RNF130: variants seen among roughly 807,000 people sequenced by gnomAD.
The protein encoded by RNF130 is E3 ubiquitin-protein ligase RNF130.
RNF130 carries 21 observed loss-of-function variants against 44.6 expected under a neutral mutation model. That is an observed-to-expected ratio of 0.47 (90% confidence interval 0.33 to 0.68). RNF130 has a LOEUF of 0.68. RNF130 is among the 30% of genes least tolerant of loss of function. The pLI is 0.02. For missense variants in RNF130, 479 were observed against 560.6 expected (o/e 0.85, Z 1.47); for synonymous variants, 214 against 210.4 (o/e 1.02, Z -0.15).
Position 180,010,104 on chromosome 5 carries a change from A to G in RNF130, c.693+2957T>C, listed in dbSNP as rs547401559. Among the ~76,000 whole-genome samples, 8 of 151,996 alleles carry G rather than the reference A, an allele frequency of 5.3e-5. No individual in the cohort carries two copies. The East Asian group carries it at 5.9e-4, about 11-fold the overall frequency. Reference sequence around the variant, plus strand: ...CTACTAAAAATACAAAAAATTAGCCAGGCACGGTGGCAGGCACCTGTAGTC... The same window carrying G: ...CTACTAAAAATACAAAAAATTAGCCGGGCACGGTGGCAGGCACCTGTAGTC... On this transcript the variant is annotated intron_variant, in intron 3 of 8. Transcript: ENST00000521389.
At position 179,966,896 on chromosome 5, in the gene RNF130, G is replaced by A; in HGVS notation, c.1060C>T (p.Leu354Phe). Reference sequence around the variant, plus strand: ...ATCCCCGAAGTTCGAAGTGGCTCAAGGCCAAGGGAGTTGTCGCCGGCGAGG... The same window carrying A: ...ATCCCCGAAGTTCGAAGTGGCTCAAAGCCAAGGGAGTTGTCGCCGGCGAGG... ...GDLAGDNSLG[L>F]EPLRTSGISP... The change falls in exon 7 of 9, where the codon CTT (leucine) becomes TTT (phenylalanine). Residue 354 changes from leucine to phenylalanine, a missense_variant. Leu to Phe is a conservative substitution (Grantham distance 22). Coordinates refer to ENST00000521389, the MANE Select transcript of RNF130 (RefSeq NM_018434.6). 1 of 1,614,236 alleles carries A rather than the reference G, an allele frequency of 6.2e-7. No individual in the cohort carries two copies. The highest frequency in any genetic ancestry group is 8.5e-7 in the Non-Finnish European group (1 of 1,180,044).
rs1017926417 is a variant in RNF130 at position 179,977,055 on chromosome 5, T to C, written c.848+1148A>G. 1.3e-5 allele frequency: 2 copies of C among 152,216 alleles called. No individual in the cohort carries two copies. Among genetic ancestry groups the C allele is most frequent in the African/African-American group, 4.8e-5 (2 of 41,458 alleles). 9.4% of individuals were successfully genotyped at this position (152,216 alleles called of 1,614,324 possible). On this transcript the variant is annotated intron_variant, in intron 5 of 8. Coordinates refer to ENST00000521389, the MANE Select transcript of RNF130 (RefSeq NM_018434.6). The surrounding 1 kb of genome is among the most constrained non-coding windows in gnomAD (Gnocchi z 4.1). ...CCTCATGGAGGAAGGCTTGGTCCCA[T>C]GTGGGGAGCACCACATTAAAGGCAG...
At chr5:180,038,409 TTG>T (rs1491121435) in intron 2 of RNF130, among the ~76,000 whole-genome samples, 100 of 100,628 alleles carry the variant, frequency 9.9e-4, no homozygotes, top group Middle Eastern at 0.012. Flanking sequence ...AAAGCCTGTT[TTG>T]TTTTTTTTTT....
At chr5:179,933,876 C>T (rs1053092032) in intron 7 of RNF130, 5 of 756,282 alleles carry the variant, frequency 6.6e-6, no homozygotes, top group Non-Finnish European at 1.1e-5. Context: ...ATGTTGCCAG[C>T]TGAGGTTGTT....
downstream of RNF130, among the ~76,000 whole-genome samples, chr5:179,954,436 C>A (rs557392453): frequency 6.6e-6 from 1 of 152,086 alleles, no homozygotes. Flanking sequence ...ATGTATGAAC[C>A]GTGAACACAT....
Position 180,015,490 on chromosome 5 carries a change from A to AG in RNF130, c.443-2180dup, listed in dbSNP as rs879125124. The stretch of plus-strand genomic sequence containing the variant: ...TAGGGAAAGGAGTAGGGAAAGGAGT[A>AG]GGAAAGGAGTAGGGAAAGGAGTAGG... On this transcript the variant is annotated intron_variant, in intron 2 of 8. Transcript: ENST00000521389. 34 of 279,466 alleles carry AG rather than the reference A, an allele frequency of 1.2e-4. 1 individual carries two copies. The African/African-American group carries it at 1.4e-3, about 12-fold the overall frequency. The allele number at this position is 279,466 out of a possible 1,614,324, so 17.3% of individuals were successfully genotyped here.
At chr5:180,045,484 C>T (rs1041759099) in intron 1 of RNF130, among the ~76,000 whole-genome samples, 1 of 152,176 alleles carries the variant, frequency 6.6e-6, no homozygotes, top group Non-Finnish European at 1.5e-5. Context: ...CAAGATTTAT[C>T]TCAAACAGGG....
At chr5:179,950,070 C>T (rs998771246), downstream of RNF130, among the ~76,000 whole-genome samples, 1 of 152,146 alleles carries the variant, frequency 6.6e-6, no homozygotes, top group African/African-American at 2.4e-5. Flanking sequence ...TTTTCTGAAT[C>T]TCATTATTTA....
chr5:179,989,281 G>A (rs1020799705), intron 3 of RNF130, among the ~76,000 whole-genome samples: 8 of 152,150 alleles, frequency 5.3e-5, no homozygotes, highest in Non-Finnish European at 1.0e-4. Context: ...TGACACATGG[G>A]GATTATGGGA....
At chr5:179,951,221 A>C (rs1762119359), downstream of RNF130, among the ~76,000 whole-genome samples, 1 of 152,198 alleles carries the variant, frequency 6.6e-6, no homozygotes, top group South Asian at 2.1e-4. Context: ...AACAGACAGA[A>C]TAAAAGGGAG....
intron 3 of RNF130, among the ~76,000 whole-genome samples, chr5:180,010,419 G>C (rs1763565603): frequency 6.6e-6 from 1 of 151,880 alleles, no homozygotes; most frequent in Non-Finnish European, 1.5e-5. Context: ...GAGTGCAGTG[G>C]TACGATCATG....
intron 1 of RNF130, among the ~76,000 whole-genome samples, chr5:180,070,988 C>A (rs1765244146): frequency 6.6e-6 from 1 of 151,656 alleles, no homozygotes; most frequent in African/African-American, 2.4e-5. Flanking sequence ...TACACCCCCC[C>A]CCCAATTTAC....
At chr5:180,061,997 C>A (rs185471131) in intron 1 of RNF130, among the ~76,000 whole-genome samples, 1 of 151,936 alleles carries the variant, frequency 6.6e-6, no homozygotes, top group Admixed American at 6.5e-5. Context: ...TCAATGGAGA[C>A]TTCTTTGTGT....
chr5:179,966,790 G>A lies in RNF130; in HGVS notation c.1150+16C>T, dbSNP rs547294216. 155 of 1,608,422 alleles carry A rather than the reference G, an allele frequency of 9.6e-5. 2 individuals carry two copies. The South Asian group carries it at 1.5e-3, about 15-fold the overall frequency. On this transcript the variant is annotated intron_variant, in intron 7 of 8. Coordinates refer to ENST00000521389, the MANE Select transcript of RNF130 (RefSeq NM_018434.6). ...GCAGCCACATGCCCTGTGCCTGAGCGGAGGCCCCCACTTACTTGTTACTGC... is the reference window on the plus strand; with the variant it reads ...GCAGCCACATGCCCTGTGCCTGAGCAGAGGCCCCCACTTACTTGTTACTGC...
intron 2 of RNF130, among the ~76,000 whole-genome samples, chr5:180,024,517 A>G (rs1379011200): frequency 6.6e-6 from 1 of 152,218 alleles, no homozygotes; most frequent in Non-Finnish European, 1.5e-5. Context: ...TAAGCCAGAA[A>G]ACAACAAACA....
intron 3 of RNF130, among the ~76,000 whole-genome samples, chr5:179,998,922 T>C (rs1218608467): frequency 6.9e-6 from 1 of 144,272 alleles, no homozygotes; most frequent in Non-Finnish European, 1.5e-5. Flanking sequence ...TGGGTGTATA[T>C]ATATTTACAA....
chr5:179,942,887 G>A (rs935917090), intron 7 of RNF130, among the ~76,000 whole-genome samples: 2 of 152,162 alleles, frequency 1.3e-5, no homozygotes, highest in African/African-American at 4.8e-5. Context: ...TTGTTTGACA[G>A]AAGAGCCTCA....
chr5:179,925,774 C>T (rs1761699422), intron 7 of RNF130, among the ~76,000 whole-genome samples: 1 of 152,156 alleles, frequency 6.6e-6, no homozygotes, highest in Non-Finnish European at 1.5e-5. Flanking sequence ...CTTAAGCCAT[C>T]CTCCCACCTT....
downstream of RNF130, chr5:179,954,998 G>T (rs1320933206): frequency 6.6e-6 from 1 of 152,210 alleles, no homozygotes; most frequent in Non-Finnish European, 1.5e-5. Context: ...GTTTTTACAA[G>T]AATACAAAGT....
Sources: gnomAD v4.1 joint callset for allele counts (sites outside exome capture counted in the v4.1 genomes callset) on GRCh38, gnomAD v4.1.1 for gene constraint, Gnocchi (gnomAD v3.1) non-coding constraint, MANE v1.5 for transcripts, NCBI Gene and HGNC (gene_info 2026-07-23, HGNC 2026-07-21) for gene names.